Variants in EPM2AIP1 observed in about 807,000 individuals in gnomAD.
EPM2AIP1 encodes EPM2A-interacting protein 1.
Under a neutral mutation model 44.8 loss-of-function variants are expected in EPM2AIP1, and 23 were observed. The ratio of observed to expected loss-of-function variants is 0.51; its 90% CI spans 0.37 to 0.73. The LOEUF is 0.73. Among genes scored for constraint, EPM2AIP1 ranks in the 30% least tolerant of loss-of-function variants. The pLI is 0.00. For missense variants in EPM2AIP1, 652 were observed against 743.9 expected (o/e 0.88, Z 1.44); for synonymous variants, 311 against 284.3 (o/e 1.09, Z -0.94).
Position 36,991,681 on chromosome 3 carries a change from C to A in EPM2AIP1, c.1397G>T (p.Arg466Leu). 1 of 1,612,716 alleles carries A rather than the reference C, an allele frequency of 6.2e-7. No homozygotes were observed. The highest frequency in any genetic ancestry group is 8.5e-7 in the Non-Finnish European group (1 of 1,179,506). The stretch of plus-strand genomic sequence containing the variant: ...ATGTCTCTCAAATTCTTTTTGGAGA[C>A]GACAGATCACCATTTGATACCTATC... Reference protein sequence around the residue: ...DPDRYQMVICRLQKEFERHFK... With the variant: ...DPDRYQMVICLLQKEFERHFK... Residue 466 changes from arginine to leucine, a missense_variant, in exon 1 of 1, where the codon CGT becomes CTT. By Grantham distance (102) the Arg-to-Leu change is moderately radical. Transcript: ENST00000322716.
chr3:36,986,523 A>G lies in EPM2AIP1; in HGVS notation c.*4731T>C, dbSNP rs529538959. The G allele has an allele frequency of 5.3e-5, 8 of 152,284 alleles. No homozygotes were observed. The highest frequency in any genetic ancestry group is 7.4e-5 in the Non-Finnish European group (5 of 68,024). The allele number at this position is 152,284 out of a possible 1,614,324, so 9.4% of individuals were successfully genotyped here. A position where few individuals can be genotyped will look rare whatever the true frequency, so the allele number is the denominator to read the frequency against. Reference sequence around the variant, plus strand: ...CCGCCGGGTGCAGAGGCTCACACGTATAACACCAACATTTTGGGAGCCCGA... The same window carrying G: ...CCGCCGGGTGCAGAGGCTCACACGTGTAACACCAACATTTTGGGAGCCCGA... On this transcript the variant is annotated 3_prime_UTR_variant, in exon 1 of 1. Coordinates refer to ENST00000322716, the MANE Select transcript of EPM2AIP1 (RefSeq NM_014805.4).
At position 36,992,603 on chromosome 3, in the gene EPM2AIP1, T is replaced by C; in HGVS notation, c.475A>G (p.Arg159Gly). 2 of 1,614,070 alleles carry C rather than the reference T, an allele frequency of 1.2e-6. No homozygotes were observed. The highest frequency in any genetic ancestry group is 1.7e-6 in the Non-Finnish European group (2 of 1,179,902). ...ITRQRILSID[R>G]NLRNQLFNRA... is the part of the protein sequence containing the mutation. ...TTAAAAAGCTGGTTGCGTAGATTCC[T>C]GTCAATGCTCAGGATCCTCTGCCTT... The change falls in exon 1 of 1, where the codon AGG becomes GGG. Residue 159 changes from arginine (R) to glycine (G), a missense_variant. Transcript: ENST00000322716. The surrounding 1 kb of genome is among the most constrained non-coding windows in gnomAD (Gnocchi z 5.3).
rs1045958423 is a variant in EPM2AIP1 at position 36,988,585 on chromosome 3, A to C, written c.*2669T>G. 1.3e-5 allele frequency: 2 copies of C among 152,318 alleles called. No individual in the cohort carries two copies. The highest frequency in any genetic ancestry group is 3.9e-4 in the East Asian group (2 of 5,188). The allele number at this position is 152,318 out of a possible 1,614,324, so 9.4% of individuals were successfully genotyped here. A position where few individuals can be genotyped will look rare whatever the true frequency, so the allele number is the denominator to read the frequency against. ...ACACAGAACAAGGCAGTCTAAAACAAATTTTTTTAAAAATACGAAGAACAG... is the reference window on the plus strand; with the variant it reads ...ACACAGAACAAGGCAGTCTAAAACACATTTTTTTAAAAATACGAAGAACAG... On this transcript the variant is annotated 3_prime_UTR_variant, in exon 1 of 1. Coordinates refer to ENST00000322716, the MANE Select transcript of EPM2AIP1 (RefSeq NM_014805.4).
In EPM2AIP1 at chr3:36,992,900, C is replaced by G; in HGVS notation, c.178G>C (p.Ala60Pro). Residue 60 changes from alanine (A) to proline (P), a missense_variant, in exon 1 of 1, where the codon GCT becomes CCT. Ala to Pro is a conservative substitution (Grantham distance 27). Coordinates refer to ENST00000322716, the MANE Select transcript of EPM2AIP1 (RefSeq NM_014805.4). This position sits in a 1 kb window ranked among gnomAD's most constrained non-coding sequence, Gnocchi z 5.3. Reference sequence around the variant, plus strand: ...TACCGCTCGTAGTATTCGTGCTCAGCCTCGTAGTGGCGCCTGACGTCGCGT... The same window carrying G: ...TACCGCTCGTAGTATTCGTGCTCAGGCTCGTAGTGGCGCCTGACGTCGCGT... Reference protein sequence around the residue: ...RERDVRRHYEAEHEYYERYVA... With the variant: ...RERDVRRHYEPEHEYYERYVA... The G allele has an allele frequency of 6.2e-7, 1 of 1,612,214 alleles. No individual in the cohort carries two copies. Among genetic ancestry groups the G allele is most frequent in the Non-Finnish European group, 8.5e-7 (1 of 1,179,870 alleles).
rs776881744 is a variant in EPM2AIP1 at position 36,993,119 on chromosome 3, C to T, written c.-42G>A. The T allele has an allele frequency of 6.4e-7, 1 of 1,558,528 alleles. No homozygotes were observed. On this transcript the variant is annotated 5_prime_UTR_variant, in exon 1 of 1. Coordinates refer to ENST00000322716, the MANE Select transcript of EPM2AIP1 (RefSeq NM_014805.4). ...AGAGCAGGGCCAACGTTAGAAAGGCCGCAAGGGGAGAGGAGGAGCCTGAGA... is the reference window on the plus strand; with the variant it reads ...AGAGCAGGGCCAACGTTAGAAAGGCTGCAAGGGGAGAGGAGGAGCCTGAGA...
Position 36,987,208 on chromosome 3 carries a change from T to C in EPM2AIP1, c.*4046A>G, listed in dbSNP as rs2080774167. The C allele has an allele frequency of 6.6e-6, 1 of 152,524 alleles. No homozygotes were observed. The highest frequency in any genetic ancestry group is 1.5e-5 in the Non-Finnish European group (1 of 68,022). 9.4% of individuals were successfully genotyped at this position (152,524 alleles called of 1,614,324 possible). ...TTTGTTAAATTTACTTACTTTTAAA[T>C]CCCAGAAGAGCCAAAAATCATCTGT... On this transcript the variant is annotated 3_prime_UTR_variant, in exon 1 of 1. Coordinates refer to ENST00000322716, the MANE Select transcript of EPM2AIP1 (RefSeq NM_014805.4).
rs1041471742 is a variant in EPM2AIP1, at chr3:36,989,643, T to A, written c.*1611A>T. ...TGCCCTATCCCTTGAAATAAAATAATCTACATTTTGGGAGGGCTAATTCTT... is the reference window on the plus strand; with the variant it reads ...TGCCCTATCCCTTGAAATAAAATAAACTACATTTTGGGAGGGCTAATTCTT... On this transcript the variant is annotated 3_prime_UTR_variant, in exon 1 of 1. Transcript: ENST00000322716. The A allele has an allele frequency of 3.3e-5, 5 of 152,036 alleles. No individual in the cohort carries two copies. The highest frequency in any genetic ancestry group is 9.7e-5 in the African/African-American group (4 of 41,366). The allele number at this position is 152,036 out of a possible 1,614,324, so 9.4% of individuals were successfully genotyped here. A position where few individuals can be genotyped will look rare whatever the true frequency, so the allele number is the denominator to read the frequency against.
chr3:36,991,408 C>A lies in EPM2AIP1; in HGVS notation c.1670G>T (p.Cys557Phe). 6.2e-7 allele frequency: 1 copy of A among 1,613,966 alleles called. No individual in the cohort carries two copies. The highest frequency in any genetic ancestry group is 2.2e-5 in the East Asian group (1 of 44,888). Reference protein sequence around the residue: ...VASLFDSNQICEKAFSYLTRN... With the variant: ...VASLFDSNQIFEKAFSYLTRN... ...AGTCAAATATGAAAAAGCCTTTTCACAGATTTGGTTACTATCAAACAAGGA... is the reference window on the plus strand; with the variant it reads ...AGTCAAATATGAAAAAGCCTTTTCAAAGATTTGGTTACTATCAAACAAGGA... Residue 557 changes from cysteine to phenylalanine, a missense_variant, in exon 1 of 1, where the codon TGT becomes TTT. Transcript: ENST00000322716.
At position 36,989,279 on chromosome 3, in the gene EPM2AIP1, AG is replaced by A. The variant is rs1352318876; in HGVS notation, c.*1974del. The A allele has an allele frequency of 6.6e-6, 1 of 151,802 alleles. No homozygotes were observed. The highest frequency in any genetic ancestry group is 1.5e-5 in the Non-Finnish European group (1 of 67,936). 9.4% of individuals were successfully genotyped at this position (151,802 alleles called of 1,614,324 possible). A position where few individuals can be genotyped will look rare whatever the true frequency, so the allele number is the denominator to read the frequency against. ...TCAAAGCTATTGGGAAATTACCGGT[AG>A]ATTTTTCTGTTTTTTTTTTTCGGTT... On this transcript the variant is annotated 3_prime_UTR_variant, in exon 1 of 1. Transcript: ENST00000322716.
Position 36,991,485 on chromosome 3 carries a change from T to C in EPM2AIP1, c.1593A>G (p.Gly531=). 6.2e-7 allele frequency: 1 copy of C among 1,613,960 alleles called. No homozygotes were observed. Among genetic ancestry groups the C allele is most frequent in the Non-Finnish European group, 8.5e-7 (1 of 1,179,864 alleles). ...RIKDLGQFYA[G]LSAESYPIIK... Reference sequence around the variant, plus strand: ...TAATTGGGTAGGATTCAGCAGACAATCCAGCATAAAACTGCCCCAAGTCTT... The same window carrying C: ...TAATTGGGTAGGATTCAGCAGACAACCCAGCATAAAACTGCCCCAAGTCTT... Residue 531 remains glycine (G), a synonymous_variant, in exon 1 of 1, where the codon GGA becomes GGG. Coordinates refer to ENST00000322716, the MANE Select transcript of EPM2AIP1 (RefSeq NM_014805.4).
At position 36,985,970 on chromosome 3, in the gene EPM2AIP1, AG is replaced by A; in HGVS notation, c.*5283del. The stretch of plus-strand genomic sequence containing the variant: ...ACCTATGATCTAAACCAAAGTCCCT[AG>A]GCAAGTTGCAATAGAAAAGTTGTGT... On this transcript the variant is annotated 3_prime_UTR_variant, in exon 1 of 1. Transcript: ENST00000322716. 1 of 152,364 alleles carries A rather than the reference AG, an allele frequency of 6.6e-6. No individual in the cohort carries two copies. Among genetic ancestry groups the A allele is most frequent in the Admixed American group, 6.5e-5 (1 of 15,312 alleles). 9.4% of individuals were successfully genotyped at this position (152,364 alleles called of 1,614,324 possible).
chr3:36,991,404 T>C lies in EPM2AIP1; in HGVS notation c.1674A>G (p.Glu558=), dbSNP rs768508294. 1 of 1,613,998 alleles carries C rather than the reference T, an allele frequency of 6.2e-7. No homozygotes were observed. The highest frequency in any genetic ancestry group is 1.7e-5 in the Admixed American group (1 of 60,008). Residue 558 remains glutamate, a synonymous_variant, in exon 1 of 1, where the codon GAA becomes GAG. Coordinates refer to ENST00000322716, the MANE Select transcript of EPM2AIP1 (RefSeq NM_014805.4). ...TTCGAGTCAAATATGAAAAAGCCTT[T>C]TCACAGATTTGGTTACTATCAAACA... The part of the protein sequence containing the change: ...ASLFDSNQIC[E]KAFSYLTRNQ...
In EPM2AIP1 at chr3:36,986,283, T is replaced by A. The variant is rs1191573938; in HGVS notation, c.*4971A>T. The A allele has an allele frequency of 1.3e-5, 2 of 152,218 alleles. No homozygotes were observed. The highest frequency in any genetic ancestry group is 3.8e-4 in the East Asian group (2 of 5,198). 9.4% of individuals were successfully genotyped at this position (152,218 alleles called of 1,614,324 possible). A position where few individuals can be genotyped will look rare whatever the true frequency, so the allele number is the denominator to read the frequency against. Reference sequence around the variant, plus strand: ...AAAATATTTTGTAGTTGCTGTTCACTGCACTTGACAAAACGTACAGAAGAG... The same window carrying A: ...AAAATATTTTGTAGTTGCTGTTCACAGCACTTGACAAAACGTACAGAAGAG... On this transcript the variant is annotated 3_prime_UTR_variant, in exon 1 of 1. Transcript: ENST00000322716.
chr3:36,990,214 T>C lies in EPM2AIP1; in HGVS notation c.*1040A>G, dbSNP rs1464436965. On this transcript the variant is annotated 3_prime_UTR_variant, in exon 1 of 1. Coordinates refer to ENST00000322716, the MANE Select transcript of EPM2AIP1 (RefSeq NM_014805.4). The stretch of plus-strand genomic sequence containing the variant: ...CTTGTGTGCTATCTTACATATAGAA[T>C]GTGTACGACAGTTCCAAATTTTAGA... 1 of 157,888 alleles carries C rather than the reference T, an allele frequency of 6.3e-6. No homozygotes were observed. The allele number at this position is 157,888 out of a possible 1,614,324, so 9.8% of individuals were successfully genotyped here.
At position 36,988,579 on chromosome 3, in the gene EPM2AIP1, A is replaced by G. The variant is rs1205782748; in HGVS notation, c.*2675T>C. 6.6e-6 allele frequency: 1 copy of G among 152,216 alleles called. No homozygotes were observed. The highest frequency in any genetic ancestry group is 1.5e-5 in the Non-Finnish European group (1 of 68,034). The allele number at this position is 152,216 out of a possible 1,614,324, so 9.4% of individuals were successfully genotyped here. A position where few individuals can be genotyped will look rare whatever the true frequency, so the allele number is the denominator to read the frequency against. On this transcript the variant is annotated 3_prime_UTR_variant, in exon 1 of 1. Coordinates refer to ENST00000322716, the MANE Select transcript of EPM2AIP1 (RefSeq NM_014805.4). ...GAGCTGACACAGAACAAGGCAGTCT[A>G]AAACAAATTTTTTTAAAAATACGAA...
At position 36,991,785 on chromosome 3, in the gene EPM2AIP1, T is replaced by C. The variant is rs2080813203; in HGVS notation, c.1293A>G (p.Leu431=). 3 of 1,613,304 alleles carry C rather than the reference T, an allele frequency of 1.9e-6. No individual in the cohort carries two copies. Among genetic ancestry groups the C allele is most frequent in the Non-Finnish European group, 2.5e-6 (3 of 1,179,752 alleles). The change falls in exon 1 of 1, where the codon CTA becomes CTG. Residue 431 remains leucine (L), a synonymous_variant. Coordinates refer to ENST00000322716, the MANE Select transcript of EPM2AIP1 (RefSeq NM_014805.4). ...CTTCTCTGAGGGCAGGAAAGTCTGT[T>C]AGATTTTTTTCCTCAATATGTCTTT... ...LFQRHIEEKN[L]TDFPALREVV...
Position 36,992,866 on chromosome 3 carries a change from T to C in EPM2AIP1, c.212A>G (p.Asp71Gly). ...EHEYYERYVA[D>G]GERAALVERL... ...CTCCACCAGGGCCGCGCGCTCGCCG[T>C]CCGCCACATACCGCTCGTAGTATTC... Residue 71 changes from aspartate (D) to glycine (G), a missense_variant, in exon 1 of 1, where the codon GAC becomes GGC. Transcript: ENST00000322716. The surrounding 1 kb of genome is among the most constrained non-coding windows in gnomAD (Gnocchi z 5.3). The C allele has an allele frequency of 1.9e-6, 3 of 1,610,594 alleles. No individual in the cohort carries two copies. Among genetic ancestry groups the C allele is most frequent in the Non-Finnish European group, 1.7e-6 (2 of 1,179,294 alleles).
Position 36,992,987 on chromosome 3 carries a change from G to T in EPM2AIP1, c.91C>A (p.Pro31Thr), listed in dbSNP as rs754738443. 1.6e-5 allele frequency: 26 copies of T among 1,612,972 alleles called. No individual in the cohort carries two copies. Among genetic ancestry groups the T allele is most frequent in the Admixed American group, 3.3e-5 (2 of 60,010 alleles). ...CACAGGGCCCCATCGCCCTCCGGAGGCTCCACCACCAAATAACGCTGGGTC... is the reference window on the plus strand; with the variant it reads ...CACAGGGCCCCATCGCCCTCCGGAGTCTCCACCACCAAATAACGCTGGGTC... ...EWTQRYLVVE[P>T]PEGDGALCLV... The change falls in exon 1 of 1, where the codon CCT becomes ACT. Residue 31 changes from proline (P) to threonine (T), a missense_variant. Physicochemically the swap from Pro to Thr is conservative, Grantham distance 38. Transcript: ENST00000322716. This position sits in a 1 kb window ranked among gnomAD's most constrained non-coding sequence, Gnocchi z 5.3.
At position 36,991,912 on chromosome 3, in the gene EPM2AIP1, T is replaced by C. The variant is rs770313148; in HGVS notation, c.1166A>G (p.Glu389Gly). 1.9e-6 allele frequency: 3 copies of C among 1,613,864 alleles called. No homozygotes were observed. In the African/African-American group the frequency reaches 4.0e-5, roughly 22 times the overall value. Residue 389 changes from glutamate to glycine, a missense_variant, in exon 1 of 1, where the codon GAA becomes GGA. By Grantham distance (98) the Glu-to-Gly change is moderately conservative. Transcript: ENST00000322716. ...TTCTTCACTGAGTTCTCGAAGGTGT[T>C]CCATAATGTCCACCAAGAAGCCAAA... ...CDFGFLVDIM[E>G]HLRELSEELR...
Sources: gnomAD v4.1 joint callset for allele counts on GRCh38, gnomAD v4.1.1 for gene constraint, Gnocchi (gnomAD v3.1) non-coding constraint, MANE v1.5 for transcripts, NCBI Gene and HGNC (gene_info 2026-07-23, HGNC 2026-07-21) for gene names.